Variants in HS3ST4 observed in about 807,000 individuals in gnomAD.
The protein encoded by HS3ST4 is heparan sulfate-glucosamine 3-sulfotransferase 4.
Under a neutral mutation model 29.2 loss-of-function variants are expected in HS3ST4, and 17 were observed. The ratio of observed to expected loss-of-function variants is 0.58; its 90% confidence interval spans 0.40 to 0.87. The LOEUF (loss-of-function observed/expected upper bound fraction) is 0.87. HS3ST4 is among the 40% of genes least tolerant of loss of function. The pLI, the probability that HS3ST4 is intolerant of heterozygous loss-of-function variation, is 0.00. For synonymous variants in HS3ST4, 314 were observed against 285.7 expected, an observed-to-expected ratio of 1.10 and a Z score of -1.00; for missense variants, 627 against 634.5, an observed-to-expected ratio of 0.99 and a Z score of 0.13.
chr16:26,049,517 A>T (rs1292306107), intron 1 of HS3ST4, among the ~76,000 whole-genome samples: 1 of 150,854 alleles, frequency 6.6e-6, no homozygotes, highest in Non-Finnish European at 1.5e-5. Flanking sequence ...CTTGAGCGGA[A>T]AAACACAGTT....
intron 1 of HS3ST4, among the ~76,000 whole-genome samples, chr16:26,020,927 A>T (rs1342524735): frequency 3.9e-5 from 6 of 152,218 alleles, no homozygotes; most frequent in Non-Finnish European, 2.9e-5. Context: ...CTCAGTTTCC[A>T]TATATGTAAA....
intron 1 of HS3ST4, among the ~76,000 whole-genome samples, chr16:25,780,050 AAC>A (rs1198830443): frequency 6.6e-6 from 1 of 152,158 alleles, no homozygotes; most frequent in Non-Finnish European, 1.5e-5. Flanking sequence ...CACAAGTGTG[AAC>A]AGTTGTTTCA....
chr16:25,836,138 C>T (rs539947704), intron 1 of HS3ST4, among the ~76,000 whole-genome samples: 2 of 152,234 alleles, frequency 1.3e-5, no homozygotes, highest in Non-Finnish European at 2.9e-5. Context: ...GGCCTCCCCT[C>T]GCCAAATCAG....
chr16:26,118,440 C>T (rs1413704149), intron 1 of HS3ST4, among the ~76,000 whole-genome samples: 1 of 152,088 alleles, frequency 6.6e-6, no homozygotes, highest in African/African-American at 2.4e-5. Context: ...CAGTGATGGG[C>T]TAAATTAGCA....
chr16:25,923,946 A>G (rs1005911243), intron 1 of HS3ST4, among the ~76,000 whole-genome samples: 20 of 152,244 alleles, frequency 1.3e-4, no homozygotes, highest in Admixed American at 1.2e-3. Flanking sequence ...TGTGGCTTCA[A>G]TTTCGGGACA....
At chr16:26,014,435 A>G (rs1280520237) in intron 1 of HS3ST4, among the ~76,000 whole-genome samples, 1 of 152,202 alleles carries the variant, frequency 6.6e-6, no homozygotes, top group Non-Finnish European at 1.5e-5. Context: ...GAATTATTTC[A>G]TCACCCAGGT....
intron 1 of HS3ST4, among the ~76,000 whole-genome samples, chr16:25,960,967 G>A (rs976705744): frequency 3.3e-5 from 5 of 152,138 alleles, no homozygotes; most frequent in African/African-American, 1.2e-4. Flanking sequence ...AATTAAGCTG[G>A]AGCATTTGAA....
chr16:25,977,207 G>C (rs1364464263), intron 1 of HS3ST4, among the ~76,000 whole-genome samples: 1 of 152,018 alleles, frequency 6.6e-6, no homozygotes, highest in Non-Finnish European at 1.5e-5. Context: ...ACTAATTCTC[G>C]CTTTGCATGC....
At chr16:25,777,957 A>T (rs1025280124) in intron 1 of HS3ST4, among the ~76,000 whole-genome samples, 4 of 152,130 alleles carry the variant, frequency 2.6e-5, no homozygotes, top group African/African-American at 9.7e-5. Context: ...ATAGACACAC[A>T]TGGTGTATGC....
intron 1 of HS3ST4, among the ~76,000 whole-genome samples, chr16:25,864,149 T>A (rs1967668785): frequency 6.6e-6 from 1 of 152,230 alleles, no homozygotes; most frequent in Admixed American, 6.5e-5. Flanking sequence ...CATATCAACC[T>A]CTTCTCTCTT....
intron 1 of HS3ST4, among the ~76,000 whole-genome samples, chr16:25,913,396 C>CA (rs1443603340): frequency 2.0e-5 from 3 of 152,236 alleles, no homozygotes; most frequent in African/African-American, 7.2e-5. Flanking sequence ...CACCTGAGGA[C>CA]ACAGTGAGAA....
At chr16:26,077,105 G>A (rs1898672134) in intron 1 of HS3ST4, among the ~76,000 whole-genome samples, 1 of 152,148 alleles carries the variant, frequency 6.6e-6, no homozygotes, top group Non-Finnish European at 1.5e-5. Flanking sequence ...CACAGTCCAT[G>A]GTGCCTCACT....
intron 1 of HS3ST4, among the ~76,000 whole-genome samples, chr16:25,781,839 G>A (rs1966852896): frequency 2.0e-5 from 3 of 152,140 alleles, no homozygotes. Flanking sequence ...GTGGTTGTGT[G>A]GGGCTGAAAG....
chr16:26,128,270 G>A (rs1044426028), intron 1 of HS3ST4, among the ~76,000 whole-genome samples: 2 of 152,186 alleles, frequency 1.3e-5, no homozygotes, highest in Non-Finnish European at 2.9e-5. Flanking sequence ...TCTATTGAAG[G>A]GCAGGGACCA....
chr16:26,013,741 G>C (rs1413549207), intron 1 of HS3ST4, among the ~76,000 whole-genome samples: 1 of 152,152 alleles, frequency 6.6e-6, no homozygotes, highest in African/African-American at 2.4e-5. Flanking sequence ...CGGGAGCGGT[G>C]GCTCATGCCT....
chr16:25,818,768 C>T (rs1464893726), intron 1 of HS3ST4, among the ~76,000 whole-genome samples: 1 of 152,144 alleles, frequency 6.6e-6, no homozygotes, highest in African/African-American at 2.4e-5. Flanking sequence ...CTCTTAACCT[C>T]ATGTTTGATT....
At chr16:25,899,111 T>C (rs1190760992) in intron 1 of HS3ST4, among the ~76,000 whole-genome samples, 4 of 152,242 alleles carry the variant, frequency 2.6e-5, no homozygotes, top group African/African-American at 9.6e-5. Flanking sequence ...TGTTTTTGCA[T>C]CTGCTGTTCT....
At chr16:26,125,102 A>G (rs919419670) in intron 1 of HS3ST4, among the ~76,000 whole-genome samples, 1 of 152,180 alleles carries the variant, frequency 6.6e-6, no homozygotes, top group East Asian at 1.9e-4. Context: ...AGTTGAATCT[A>G]TTCTCATATT....
At position 25,692,750 on chromosome 16, in the gene HS3ST4, G is replaced by A. The variant is rs1966263903; in HGVS notation, c.333G>A (p.Pro111=). Residue 111 remains proline (P), a synonymous_variant, in exon 1 of 2, where the codon CCG becomes CCA. Transcript: ENST00000331351. The part of the protein sequence containing the change: ...PPLDNASHGE[P]PEPPEQPAAP... ...TGGACAACGCGAGCCACGGGGAGCC[G>A]CCCGAGCCCCCAGAGCAGCCAGCCG... is the stretch of plus-strand genomic sequence containing the variant. 1.5e-6 allele frequency: 2 copies of A among 1,299,178 alleles called. No homozygotes were observed. The highest frequency in any genetic ancestry group is 3.2e-5 in the East Asian group (1 of 31,262). 80.5% of individuals were successfully genotyped at this position (1,299,178 alleles called of 1,614,324 possible).
Sources: gnomAD v4.1 joint callset for allele counts (sites outside exome capture counted in the v4.1 genomes callset) on GRCh38, gnomAD v4.1.1 for gene constraint, MANE v1.5 for transcripts, NCBI Gene and HGNC (gene_info 2026-07-23, HGNC 2026-07-21) for gene names.